TTLL5: variants seen among roughly 807,000 people sequenced by gnomAD.
The protein encoded by TTLL5 is tubulin polyglutamylase TTLL5.
Under a neutral mutation model 168.4 loss-of-function variants are expected in TTLL5, and 132 were observed. That is an observed-to-expected ratio of 0.78 (90% CI 0.68 to 0.91). TTLL5 has a LOEUF of 0.91. Ranked by LOEUF, TTLL5 falls within the 40% of genes least tolerant of loss-of-function variation. The probability of loss-of-function intolerance (pLI) is 0.00; values close to 1 mark genes in which losing one functional copy is unlikely to be tolerated. For missense variants in TTLL5, 1,545 were observed against 1,581.5 expected (o/e 0.98, Z 0.39); for synonymous variants, 546 against 558.6 (o/e 0.98, Z 0.32).
chr14:75,776,603 G>T (rs1433902989), intron 22 of TTLL5, 144 bp from the exon 23 acceptor site: 1 of 484,140 alleles, frequency 2.1e-6, no homozygotes, highest in South Asian at 5.1e-5. Context: ...AAATTTATAG[G>T]TGGCAAAAGT....
In TTLL5 at chr14:75,736,559, G is replaced by A. The variant is rs1464581760; in HGVS notation, c.1281+1270G>A. 3.3e-5 allele frequency among the ~76,000 whole-genome samples: 5 copies of A among 152,256 alleles called. No individual in the cohort carries two copies. In the East Asian group the frequency reaches 9.6e-4, roughly 29 times the overall value. ...AAAGGGATGGCTGTTTTACTAATGT[G>A]CTCTAGCTAATTACTATCAGGCATA... On this transcript the variant is annotated intron_variant, in intron 15 of 31. Coordinates refer to ENST00000298832, the MANE Select transcript of TTLL5 (RefSeq NM_015072.5).
intron 14 of TTLL5, among the ~76,000 whole-genome samples, chr14:75,734,502 A>G (rs1434060227): frequency 1.3e-5 from 2 of 152,302 alleles, no homozygotes; most frequent in Middle Eastern, 3.4e-3. Flanking sequence ...TGAAGTGGAG[A>G]TGCGCAGTCA....
At chr14:75,802,350 AC>A (rs1437957661) in intron 27 of TTLL5, among the ~76,000 whole-genome samples, 1 of 152,210 alleles carries the variant, frequency 6.6e-6, no homozygotes, top group African/African-American at 2.4e-5. Context: ...TCATTATATT[AC>A]ATAAATTCTG....
At chr14:75,882,560 TAAAA>T (rs1035375214) in intron 29 of TTLL5, 121 bp from the exon 30 acceptor site, 15 of 783,074 alleles carry the variant, frequency 1.9e-5, no homozygotes, top group Non-Finnish European at 2.5e-5. Flanking sequence ...AGTTTTTCCT[TAAAA>T]AAAAAATTAA....
intron 20 of TTLL5, among the ~76,000 whole-genome samples, chr14:75,767,651 T>C (rs912212210): frequency 6.6e-6 from 1 of 152,158 alleles, no homozygotes; most frequent in Admixed American, 6.5e-5. Context: ...GTTGTTAGAT[T>C]GTGAAGGGCC....
At chr14:75,891,610 G>A (rs745698367) in intron 30 of TTLL5, among the ~76,000 whole-genome samples, 5 of 152,184 alleles carry the variant, frequency 3.3e-5, no homozygotes, top group Non-Finnish European at 1.5e-5. Context: ...AAATGGCAGT[G>A]GTGATGGTGG....
intron 31 of TTLL5, among the ~76,000 whole-genome samples, chr14:75,945,998 C>G (rs1410769608): frequency 1.3e-5 from 2 of 152,190 alleles, no homozygotes; most frequent in Non-Finnish European, 2.9e-5. Context: ...GCAAAAATAT[C>G]TTTCATGAAT....
intron 30 of TTLL5, among the ~76,000 whole-genome samples, chr14:75,889,143 TGA>T (rs1178342505): frequency 6.6e-6 from 1 of 152,072 alleles, no homozygotes; most frequent in Admixed American, 6.5e-5. Context: ...TGCACAGAGA[TGA>T]GAACTACGTA....
intron 27 of TTLL5, among the ~76,000 whole-genome samples, chr14:75,795,895 T>C (rs1892972433): frequency 6.6e-6 from 1 of 152,224 alleles, no homozygotes; most frequent in Non-Finnish European, 1.5e-5. Flanking sequence ...TAAATATGCA[T>C]GTGCAAGTAT....
intron 28 of TTLL5, among the ~76,000 whole-genome samples, chr14:75,824,354 C>T (rs1273194864): frequency 1.3e-5 from 2 of 152,036 alleles, no homozygotes; most frequent in African/African-American, 4.8e-5. Context: ...TGGCAGGGGG[C>T]ATATGACAAA....
At chr14:75,782,139 C>T (rs1892096598) in intron 24 of TTLL5, among the ~76,000 whole-genome samples, 2 of 151,884 alleles carry the variant, frequency 1.3e-5, no homozygotes, top group Non-Finnish European at 2.9e-5. Flanking sequence ...CTCTTAGAAC[C>T]CTCAGTCTGA....
At chr14:75,679,646 A>G in intron 3 of TTLL5, among the ~76,000 whole-genome samples, 1 of 152,204 alleles carries the variant, frequency 6.6e-6, no homozygotes, top group East Asian at 1.9e-4. Flanking sequence ...ATTGTCTTAA[A>G]CTTGGCCCTC....
intron 29 of TTLL5, among the ~76,000 whole-genome samples, chr14:75,873,036 T>G (rs1013982199): frequency 6.6e-5 from 10 of 152,030 alleles, no homozygotes; most frequent in African/African-American, 2.4e-4. Flanking sequence ...AGCACAGTAT[T>G]GTTAACTATA....
At chr14:75,926,881 T>C (rs1023418893) in intron 31 of TTLL5, among the ~76,000 whole-genome samples, 5 of 152,208 alleles carry the variant, frequency 3.3e-5, no homozygotes, top group Admixed American at 6.5e-5. Context: ...AGCAACATTA[T>C]TCATAATAGC....
chr14:75,818,427 G>C (rs376476110), intron 27 of TTLL5: 1 of 375,146 alleles, frequency 2.7e-6, no homozygotes, highest in Non-Finnish European at 5.1e-6. Flanking sequence ...TGTGATTTTT[G>C]CTACCACGAT....
At chr14:75,708,558 C>T (rs551499368) in intron 9 of TTLL5, among the ~76,000 whole-genome samples, 1 of 152,102 alleles carries the variant, frequency 6.6e-6, no homozygotes, top group African/African-American at 2.4e-5. Flanking sequence ...ATCTCCTGAC[C>T]TCGTGATCCG....
chr14:75,917,344 C>G (rs2033654533), intron 31 of TTLL5, among the ~76,000 whole-genome samples: 1 of 152,338 alleles, frequency 6.6e-6, no homozygotes, highest in African/African-American at 2.4e-5. Flanking sequence ...AATGATGGAG[C>G]TGAAATTCAC....
intron 11 of TTLL5, 88 bp downstream of exon 11, chr14:75,719,914 T>A (rs556367001): frequency 7.3e-7 from 1 of 1,365,818 alleles, no homozygotes; most frequent in African/African-American, 1.4e-5. Flanking sequence ...TCTGTTGCTT[T>A]GATAGTGTTG....
intron 28 of TTLL5, among the ~76,000 whole-genome samples, chr14:75,839,671 C>T (rs901111554): frequency 6.6e-6 from 1 of 152,072 alleles, no homozygotes; most frequent in Non-Finnish European, 1.5e-5. Context: ...TATTCAATTA[C>T]CTCCCACCGG....
Sources: allele counts gnomAD v4.1 joint callset (sites outside exome capture counted in the v4.1 genomes callset), GRCh38; gene constraint gnomAD v4.1.1; transcripts MANE v1.5; gene names NCBI Gene and HGNC (gene_info 2026-07-23, HGNC 2026-07-21).